MCU: variants seen among roughly 807,000 people sequenced by gnomAD.
The protein encoded by MCU is calcium uniporter protein, mitochondrial.
A neutral mutation model predicts 45.2 loss-of-function variants in MCU; 12 were observed. The observed-to-expected ratio is 0.27, with a 90% CI of 0.17 to 0.43. MCU has a LOEUF of 0.43. Ranked by LOEUF, MCU falls within the 20% of genes least tolerant of loss-of-function variation. The pLI, the probability that MCU is intolerant of heterozygous loss-of-function variation, is 1.00. For missense variants in MCU, 324 were observed against 436.7 expected, an observed-to-expected ratio of 0.74 and a Z score of 2.30; for synonymous variants, 160 against 165.1, an observed-to-expected ratio of 0.97 and a Z score of 0.24.
At chr10:72,752,056 G>C (rs987737552) in intron 1 of MCU, among the ~76,000 whole-genome samples, 6 of 151,486 alleles carry the variant, frequency 4.0e-5, no homozygotes, top group African/African-American at 1.5e-4. Flanking sequence ...AGCCAGGATG[G>C]TCTCGATCTC....
intron 1 of MCU, among the ~76,000 whole-genome samples, chr10:72,748,342 C>T (rs556051151): frequency 2.8e-4 from 42 of 152,326 alleles, no homozygotes; most frequent in African/African-American, 9.9e-4. Context: ...GCCACCGCAC[C>T]GGCCAACCGT....
intron 2 of MCU, among the ~76,000 whole-genome samples, chr10:72,834,861 T>G (rs1196539751): frequency 4.6e-5 from 7 of 152,156 alleles, no homozygotes; most frequent in Non-Finnish European, 8.8e-5. Context: ...GGTTTCACCA[T>G]GTTGGCCAGA....
intron 1 of MCU, among the ~76,000 whole-genome samples, chr10:72,754,602 C>T (rs1022891194): frequency 2.0e-5 from 3 of 152,154 alleles, no homozygotes; most frequent in Non-Finnish European, 2.9e-5. Context: ...AAAAAATTAG[C>T]CAGGCATGTT....
At chr10:72,718,192 C>G (rs986191074) in intron 1 of MCU, among the ~76,000 whole-genome samples, 2 of 152,122 alleles carry the variant, frequency 1.3e-5, no homozygotes, top group African/African-American at 4.8e-5. Flanking sequence ...CTTTCAATTT[C>G]CAAGAGTCTA....
chr10:72,787,121 A>C (rs948599189), intron 1 of MCU, among the ~76,000 whole-genome samples: 3 of 152,214 alleles, frequency 2.0e-5, no homozygotes, highest in Admixed American at 6.5e-5. Context: ...TTGAAAGACA[A>C]ATCTGCTGCA....
chr10:72,745,729 G>A (rs1431792316), intron 1 of MCU, among the ~76,000 whole-genome samples: 1 of 151,902 alleles, frequency 6.6e-6, no homozygotes, highest in Non-Finnish European at 1.5e-5. Flanking sequence ...ACCATTATGT[G>A]GTAGTATACC....
At chr10:72,835,368 G>A (rs888441504) in intron 2 of MCU, among the ~76,000 whole-genome samples, 1 of 152,192 alleles carries the variant, frequency 6.6e-6, no homozygotes, top group African/African-American at 2.4e-5. Context: ...TTTAGGGGTT[G>A]ACTGTTAGAT....
chr10:72,745,519 G>A (rs988149807), intron 1 of MCU, among the ~76,000 whole-genome samples: 3 of 152,110 alleles, frequency 2.0e-5, no homozygotes, highest in Admixed American at 1.3e-4. Context: ...GTGAGCCACC[G>A]TGCCCGGCCA....
chr10:72,717,612 T>C (rs2132668375), intron 1 of MCU, among the ~76,000 whole-genome samples: 2 of 152,298 alleles, frequency 1.3e-5, no homozygotes, highest in African/African-American at 4.8e-5. Flanking sequence ...TCAGAAAGGT[T>C]GGCTTAGATG....
At chr10:72,872,136 T>C (rs1313731140) in intron 6 of MCU, among the ~76,000 whole-genome samples, 1 of 152,220 alleles carries the variant, frequency 6.6e-6, no homozygotes, top group African/African-American at 2.4e-5. Flanking sequence ...TCTATTCTTT[T>C]TTTATTGATA....
intron 4 of MCU, among the ~76,000 whole-genome samples, chr10:72,862,125 G>A (rs1435812219): frequency 6.6e-6 from 1 of 151,822 alleles, no homozygotes; most frequent in Admixed American, 6.6e-5. Flanking sequence ...GGGACTACAG[G>A]TGCCCGCCAC....
chr10:72,766,948 A>G (rs1291623428), intron 1 of MCU: 1 of 152,184 alleles, frequency 6.6e-6, no homozygotes, highest in East Asian at 1.9e-4. Context: ...TTTTAAAATC[A>G]ACTTTAACGA....
chr10:72,741,003 A>G (rs1282871841), intron 1 of MCU, among the ~76,000 whole-genome samples: 2 of 152,136 alleles, frequency 1.3e-5, no homozygotes, highest in Non-Finnish European at 2.9e-5. Context: ...TTATTTATAT[A>G]TTTAATTGTA....
chr10:72,738,952 T>G (rs1843287421), intron 1 of MCU, among the ~76,000 whole-genome samples: 1 of 152,344 alleles, frequency 6.6e-6, no homozygotes, highest in Non-Finnish European at 1.5e-5. Flanking sequence ...TCAACTCTTT[T>G]GTTTTTACTA....
Position 72,859,270 on chromosome 10 carries a change from C to T in MCU, c.314C>T (p.Ser105Phe), listed in dbSNP as rs1358453130. 4 of 1,613,892 alleles carry T rather than the reference C, an allele frequency of 2.5e-6. No homozygotes were observed. The East Asian group carries it at 8.9e-5, about 36-fold the overall frequency. The change falls in exon 3 of 8, where the codon TCT (serine) becomes TTT (phenylalanine). Residue 105 changes from serine (S) to phenylalanine (F), a missense_variant. Ser to Phe is a radical substitution (Grantham distance 155). This residue lies in a region of MCU where 135 missense variants were observed against 207.3 expected (regional missense o/e 0.65). Coordinates refer to ENST00000373053, the MANE Select transcript of MCU (RefSeq NM_138357.3). Reference sequence around the variant, plus strand: ...TGTCAGTTCACACTCAAGCCTATCTCTGACTCTGTTGGTGTATTTTTACGA... The same window carrying T: ...TGTCAGTTCACACTCAAGCCTATCTTTGACTCTGTTGGTGTATTTTTACGA... ...ERCQFTLKPI[S>F]DSVGVFLRQL...
chr10:72,776,879 CA>C (rs1843902664), intron 1 of MCU, among the ~76,000 whole-genome samples: 1 of 152,040 alleles, frequency 6.6e-6, no homozygotes, highest in African/African-American at 2.4e-5. Flanking sequence ...TTGCAGGATA[CA>C]AAATCAACAT....
chr10:72,792,375 A>C (rs1194562225), intron 1 of MCU, among the ~76,000 whole-genome samples: 2 of 152,230 alleles, frequency 1.3e-5, no homozygotes, highest in Non-Finnish European at 2.9e-5. Context: ...ATTTGTGCTT[A>C]AGGAAGAGAA....
intron 1 of MCU, 82 bp from the exon 2 acceptor site, chr10:72,834,277 G>T (rs2132834302): frequency 2.2e-6 from 2 of 925,836 alleles, no homozygotes; most frequent in African/African-American, 1.7e-5. Context: ...GTAATCATAT[G>T]TATATATTTA....
At chr10:72,782,760 C>T (rs1215844837) in intron 1 of MCU, among the ~76,000 whole-genome samples, 1 of 152,214 alleles carries the variant, frequency 6.6e-6, no homozygotes, top group Non-Finnish European at 1.5e-5. Context: ...GGATGTGTGT[C>T]TAGTTCCTCT....
Sources: allele counts gnomAD v4.1 joint callset (sites outside exome capture counted in the v4.1 genomes callset), GRCh38; gene constraint gnomAD v4.1.1; regional missense constraint gnomAD v4.1.1; transcripts MANE v1.5; gene names NCBI Gene and HGNC (gene_info 2026-07-23, HGNC 2026-07-21).